Variants in CCDC73 observed in about 807,000 individuals in gnomAD.
CCDC73 encodes the protein coiled-coil domain-containing protein 73.
Under a neutral mutation model 116.5 loss-of-function variants are expected in CCDC73, and 95 were observed. The observed-to-expected ratio is 0.82, with a 90% CI of 0.69 to 0.97. The LOEUF (loss-of-function observed/expected upper bound fraction) is 0.97. Among genes scored for constraint, CCDC73 ranks in the 50% least tolerant of loss-of-function variants. CCDC73 has a pLI of 0.00. For missense variants in CCDC73, 1,066 were observed against 1,206.8 expected (o/e 0.88, Z 1.73); for synonymous variants, 398 against 401.3 (o/e 0.99, Z 0.10).
intron 4 of CCDC73, among the ~76,000 whole-genome samples, chr11:32,701,518 T>C (rs371434755): frequency 7.9e-5 from 12 of 152,028 alleles, no homozygotes; most frequent in East Asian, 3.9e-4. Flanking sequence ...CTGGGCAATG[T>C]AGTAAGACTT....
chr11:32,759,139 T>G (rs1009151213), intron 2 of CCDC73, among the ~76,000 whole-genome samples: 1 of 151,998 alleles, frequency 6.6e-6, no homozygotes, highest in Non-Finnish European at 1.5e-5. Flanking sequence ...GTCATATATA[T>G]GTCCTAGTGA....
chr11:32,660,582 T>C (rs571847812), intron 9 of CCDC73, among the ~76,000 whole-genome samples: 1 of 152,060 alleles, frequency 6.6e-6, no homozygotes, highest in South Asian at 2.1e-4. Flanking sequence ...CCCAGCACTT[T>C]GGGAGGCTGA....
At chr11:32,669,969 G>T (rs1477432157) in intron 9 of CCDC73, among the ~76,000 whole-genome samples, 1 of 151,888 alleles carries the variant, frequency 6.6e-6, no homozygotes, top group Non-Finnish European at 1.5e-5. Flanking sequence ...TTTTTCTTTG[G>T]GTGTATACCC....
intron 6 of CCDC73, among the ~76,000 whole-genome samples, chr11:32,689,305 G>A (rs183365594): frequency 1.6e-3 from 248 of 152,086 alleles, no homozygotes; most frequent in African/African-American, 5.7e-3. Context: ...GCTCAGAACA[G>A]AAGCAAATGC....
chr11:32,805,995 A>G, the CCDC73 span, among the ~76,000 whole-genome samples: 2 of 152,258 alleles, frequency 1.3e-5, no homozygotes, highest in African/African-American at 4.8e-5. Context: ...AACAAGCTAT[A>G]GCTAATTCCA....
At chr11:32,758,024 T>G (rs781621900) in intron 2 of CCDC73, among the ~76,000 whole-genome samples, 1 of 152,216 alleles carries the variant, frequency 6.6e-6, no homozygotes, top group Non-Finnish European at 1.5e-5. Context: ...TTACGTATGT[T>G]TGAAATTTTC....
At chr11:32,649,508 T>C (rs1290522476) in intron 12 of CCDC73, among the ~76,000 whole-genome samples, 1 of 152,228 alleles carries the variant, frequency 6.6e-6, no homozygotes, top group Admixed American at 6.5e-5. Context: ...TGAAAAACAG[T>C]TGGCCATTAT....
chr11:32,729,222 C>A (rs1020048655), intron 2 of CCDC73, among the ~76,000 whole-genome samples: 4 of 152,130 alleles, frequency 2.6e-5, no homozygotes, highest in Admixed American at 2.6e-4. Flanking sequence ...ACCATGTGTC[C>A]ATGTGTTTGC....
chr11:32,803,769 T>A, the CCDC73 span, among the ~76,000 whole-genome samples: 24 of 152,302 alleles, frequency 1.6e-4, no homozygotes, highest in Non-Finnish European at 3.2e-4. Context: ...CAGTATGTAA[T>A]CATTTTGTGG....
At chr11:32,821,364 TC>T in the CCDC73 span, among the ~76,000 whole-genome samples, 1 of 152,192 alleles carries the variant, frequency 6.6e-6, no homozygotes, top group African/African-American at 2.4e-5. Flanking sequence ...CAACAAAATT[TC>T]CTGACATAAG....
chr11:32,715,498 G>GCACACACA (rs35260107), intron 3 of CCDC73, among the ~76,000 whole-genome samples: 2 of 148,468 alleles, frequency 1.3e-5, no homozygotes, highest in African/African-American at 5.0e-5. Context: ...TGATACACAC[G>GCACACACA]CACACACACA....
chr11:32,791,665 G>C lies in CCDC73; in HGVS notation c.-16+2948C>G, dbSNP rs116025102. ...ATAATTTCCCAATTAAAAAAACACTGTTCTCAGCCAGGCGTGGTGGCTAAT... is the reference window on the plus strand; with the variant it reads ...ATAATTTCCCAATTAAAAAAACACTCTTCTCAGCCAGGCGTGGTGGCTAAT... On this transcript the variant is annotated intron_variant, in intron 1 of 17. Coordinates refer to ENST00000335185, the MANE Select transcript of CCDC73 (RefSeq NM_001008391.4). Among the ~76,000 whole-genome samples, 539 of 152,206 alleles carry C rather than the reference G, an allele frequency of 3.5e-3. 6 individuals are homozygous for C. The highest frequency in any genetic ancestry group is 0.013 in the African/African-American group (520 of 41,542).
At position 32,718,131 on chromosome 11, in the gene CCDC73, TA is replaced by T; in HGVS notation, c.151del (p.Tyr51MetfsTer46). On this transcript the variant is annotated frameshift_variant, in exon 3 of 18. Coordinates refer to ENST00000335185, the MANE Select transcript of CCDC73 (RefSeq NM_001008391.4). LOFTEE classifies it high-confidence loss of function. ...LRMRREAEIH[Y>X]EEQIGKIIVE... ...AATAATTTTACCAATCTGCTCTTCA[TA>T]ATGAATTTCTGCTTCCTAAGTCAAA... is the stretch of plus-strand genomic sequence containing the variant. 6.2e-7 allele frequency: 1 copy of T among 1,604,174 alleles called. No homozygotes were observed.
chr11:32,787,323 T>C (rs1240939317), intron 1 of CCDC73, among the ~76,000 whole-genome samples: 5 of 152,208 alleles, frequency 3.3e-5, no homozygotes, highest in Non-Finnish European at 7.4e-5. Flanking sequence ...ATAAAATACA[T>C]GAGCCACGTC....
intron 1 of CCDC73, among the ~76,000 whole-genome samples, chr11:32,774,462 GTTTAA>G (rs1209594468): frequency 6.6e-6 from 1 of 152,076 alleles, no homozygotes; most frequent in Non-Finnish European, 1.5e-5. Flanking sequence ...AATCTATTAT[GTTTAA>G]TTTAAAGTTC....
chr11:32,769,256 G>T (rs1850471492), intron 1 of CCDC73, among the ~76,000 whole-genome samples: 1 of 152,134 alleles, frequency 6.6e-6, no homozygotes, highest in African/African-American at 2.4e-5. Flanking sequence ...TTTAGCTCAG[G>T]ATTCTTAGGA....
chr11:32,665,705 T>C (rs994780961), intron 9 of CCDC73, among the ~76,000 whole-genome samples: 1 of 152,212 alleles, frequency 6.6e-6, no homozygotes, highest in Non-Finnish European at 1.5e-5. Context: ...GTCATTATGA[T>C]GTTAGATGGT....
At chr11:32,653,831 A>G in intron 11 of CCDC73, 147 bp downstream of exon 11, 1 of 862,374 alleles carries the variant, frequency 1.2e-6, no homozygotes, top group Non-Finnish European at 1.6e-6. Context: ...AAGTATATTG[A>G]GACTGATTTT....
chr11:32,817,620 T>C, the CCDC73 span, among the ~76,000 whole-genome samples: 2 of 152,190 alleles, frequency 1.3e-5, no homozygotes, highest in South Asian at 4.1e-4. Flanking sequence ...AGGGTTCCTA[T>C]GACACTATTC....
Sources: allele counts gnomAD v4.1 joint callset (sites outside exome capture counted in the v4.1 genomes callset), GRCh38; gene constraint gnomAD v4.1.1; transcripts MANE v1.5; gene names NCBI Gene and HGNC (gene_info 2026-07-23, HGNC 2026-07-21).